The following PCNX4 variants were observed in gnomAD, a reference collection of about 807,000 sequenced individuals.
PCNX4 encodes the protein pecanex 4.
A neutral mutation model predicts 107.2 loss-of-function variants in PCNX4; 103 were observed. That is an observed-to-expected ratio of 0.96 (90% CI 0.82 to 1.13). The LOEUF is 1.13. Ranked by LOEUF, PCNX4 falls within the 50% of genes most tolerant of loss-of-function variation. The probability of loss-of-function intolerance (pLI) is 0.00; values close to 1 mark genes in which losing one functional copy is unlikely to be tolerated. For synonymous variants in PCNX4, 541 were observed against 481.7 expected, an observed-to-expected ratio of 1.12 and a Z score of -1.61; for missense variants, 1,528 against 1,379.4, an observed-to-expected ratio of 1.11 and a Z score of -1.71.
intron 1 of PCNX4, among the ~76,000 whole-genome samples, chr14:60,093,091 C>T (rs1895340468): frequency 1.3e-5 from 2 of 152,188 alleles, no homozygotes; most frequent in South Asian, 4.1e-4. Flanking sequence ...CAGATGTTGC[C>T]TTTTCACGAA....
Position 60,135,698 on chromosome 14 carries a change from G to A in PCNX4, c.*1477G>A, listed in dbSNP as rs148392404. Reference sequence around the variant, plus strand: ...CTCCTGAGTAGCTGGGATTAAAGGCGCATGCCACCACGCCGGCTAATTTTT... The same window carrying A: ...CTCCTGAGTAGCTGGGATTAAAGGCACATGCCACCACGCCGGCTAATTTTT... On this transcript the variant is annotated 3_prime_UTR_variant, in exon 11 of 11. Transcript: ENST00000406854. 0.034 allele frequency: 5,120 copies of A among 152,186 alleles called. 241 individuals are homozygous for A. The highest frequency in any genetic ancestry group is 0.11 in the African/African-American group (4,510 of 41,464). The allele number at this position is 152,186 out of a possible 1,614,324, so 9.4% of individuals were successfully genotyped here.
chr14:60,126,279 T>C (rs1257404799), intron 10 of PCNX4: 2 of 152,324 alleles, frequency 1.3e-5, no homozygotes, highest in Non-Finnish European at 2.9e-5. Context: ...GGGATGACTC[T>C]TTAAGATTTA....
At chr14:60,095,572 T>TG (rs1316496715) in intron 1 of PCNX4, among the ~76,000 whole-genome samples, 2 of 152,192 alleles carry the variant, frequency 1.3e-5, no homozygotes, top group African/African-American at 4.8e-5. Context: ...TAAATGAGTT[T>TG]GGGGTCCCAA....
rs748553510 is a variant in PCNX4, at chr14:60,121,165, T to TC, written c.1943-31_1943-30insC. The TC allele has an allele frequency of 7.7e-5, 112 of 1,458,136 alleles. No homozygotes were observed. The African/African-American group carries it at 1.0e-3, about 13-fold the overall frequency. 90.3% of individuals were successfully genotyped at this position (1,458,136 alleles called of 1,614,324 possible). On this transcript the variant is annotated intron_variant, in intron 7 of 10. Transcript: ENST00000406854. ...AAGAAGTTTGAAAATGATTTTCTTT[T>TC]TTTTTTTTTTTTTTTTCTAATTTGT...
chr14:60,108,705 G>C (rs1243041895), intron 2 of PCNX4: 13 of 158,184 alleles, frequency 8.2e-5, no homozygotes, highest in Non-Finnish European at 1.0e-4. Flanking sequence ...TATACAGATT[G>C]AATGAATTTA....
chr14:60,112,605 G>A (rs1373485107), intron 2 of PCNX4, among the ~76,000 whole-genome samples: 1 of 152,088 alleles, frequency 6.6e-6, no homozygotes, highest in East Asian at 1.9e-4. Flanking sequence ...AAGAGATTTA[G>A]GGGTAGAATC....
chr14:60,125,600 A>C, intron 9 of PCNX4, 37 bp from the exon 10 acceptor site: 2 of 1,353,298 alleles, frequency 1.5e-6, no homozygotes, highest in Non-Finnish European at 1.9e-6. Context: ...GTTGACAGCA[A>C]ATATTCTAAA....
Position 60,108,255 on chromosome 14 carries a change from A to T in PCNX4, c.617A>T (p.Asp206Val). The change falls in exon 2 of 11, where the codon GAT (aspartate) becomes GTT (valine). Residue 206 changes from aspartate (D) to valine (V), a missense_variant. Coordinates refer to ENST00000406854, the MANE Select transcript of PCNX4 (RefSeq NM_001330177.2). ...ATETATFQTQ[D>V]TYEIIPLMRP... The stretch of plus-strand genomic sequence containing the variant: ...GAGACTGCGACTTTCCAAACACAGG[A>T]TACTTATGAAATTATTCCTCTTATG... 5 of 1,612,694 alleles carry T rather than the reference A, an allele frequency of 3.1e-6. No homozygotes were observed. The highest frequency in any genetic ancestry group is 4.2e-6 in the Non-Finnish European group (5 of 1,179,752).
rs1895824068 is a variant in PCNX4 at position 60,115,273 on chromosome 14, T to C, written c.1169T>C (p.Ile390Thr). Residue 390 changes from isoleucine (I) to threonine (T), a missense_variant, in exon 4 of 11, where the codon ATT becomes ACT. Transcript: ENST00000406854. ...SQISKSNSQA[I>T]VGYGLMILLI... ...ATTTCTAAAAGCAATTCCCAGGCTA[T>C]TGTGGGCTATGGTTTGATGATATTA... 1 of 1,611,214 alleles carries C rather than the reference T, an allele frequency of 6.2e-7. No homozygotes were observed. Among genetic ancestry groups the C allele is most frequent in the Non-Finnish European group, 8.5e-7 (1 of 1,177,606 alleles).
chr14:60,093,227 G>A (rs1037259254), intron 1 of PCNX4, among the ~76,000 whole-genome samples: 1 of 152,134 alleles, frequency 6.6e-6, no homozygotes, highest in Non-Finnish European at 1.5e-5. Flanking sequence ...GCTTTATTGA[G>A]ATGTAATTTA....
intron 1 of PCNX4, among the ~76,000 whole-genome samples, chr14:60,101,710 TAAAAA>T (rs1239504890): frequency 1.3e-5 from 2 of 152,034 alleles, no homozygotes; most frequent in East Asian, 3.8e-4. Flanking sequence ...AAAAAATAAT[TAAAAA>T]AAGAGCTACC....
intron 1 of PCNX4, among the ~76,000 whole-genome samples, chr14:60,104,656 A>G (rs1313817633): frequency 6.6e-6 from 1 of 152,228 alleles, no homozygotes; most frequent in Admixed American, 6.5e-5. Flanking sequence ...CATGTTTTAC[A>G]TGGCAGCAGA....
chr14:60,092,085 C>A lies in PCNX4; in HGVS notation c.-388C>A, dbSNP rs1267462960. On this transcript the variant is annotated 5_prime_UTR_variant, in exon 1 of 11. Transcript: ENST00000406854. ...GCGAACGAAGCGCGCTATTTCCCTG[C>A]TTCCTCTAGGCCAAGCCTGCTTTAC... 1 of 152,346 alleles carries A rather than the reference C, an allele frequency of 6.6e-6. No individual in the cohort carries two copies. Among genetic ancestry groups the A allele is most frequent in the Non-Finnish European group, 1.5e-5 (1 of 68,106 alleles). 9.4% of individuals were successfully genotyped at this position (152,346 alleles called of 1,614,324 possible). A position where few individuals can be genotyped will look rare whatever the true frequency, so the allele number is the denominator to read the frequency against.
intron 7 of PCNX4, 31 bp downstream of exon 7, chr14:60,118,723 T>G (rs1283066107): frequency 1.3e-6 from 2 of 1,519,248 alleles, no homozygotes; most frequent in Non-Finnish European, 8.8e-7. Context: ...CAAGAATTTC[T>G]CACTAATGTA....
chr14:60,128,840 G>A (rs1387749833), intron 10 of PCNX4, among the ~76,000 whole-genome samples: 4 of 152,290 alleles, frequency 2.6e-5, no homozygotes, highest in Admixed American at 2.6e-4. Flanking sequence ...AGCTGTACTG[G>A]ATAAAGGAAA....
intron 1 of PCNX4, among the ~76,000 whole-genome samples, chr14:60,094,755 T>C (rs920073967): frequency 6.8e-5 from 4 of 58,418 alleles, no homozygotes; most frequent in Non-Finnish European, 2.3e-4. Flanking sequence ...CTTGTGTTGC[T>C]GTAGAGCCCC....
chr14:60,122,586 C>T (rs543668987), intron 8 of PCNX4, among the ~76,000 whole-genome samples: 10 of 152,090 alleles, frequency 6.6e-5, no homozygotes, highest in East Asian at 3.9e-4. Context: ...CCCAACCCCC[C>T]CTTGCCTTGC....
intron 1 of PCNX4, among the ~76,000 whole-genome samples, chr14:60,104,803 G>A (rs985386798): frequency 3.9e-5 from 6 of 152,184 alleles, no homozygotes; most frequent in Middle Eastern, 3.4e-3. Context: ...AGGTCCCTCC[G>A]ACAACACATG....
chr14:60,130,642 C>T (rs745331648), intron 10 of PCNX4, among the ~76,000 whole-genome samples: 1 of 152,028 alleles, frequency 6.6e-6, no homozygotes, highest in Admixed American at 6.6e-5. Flanking sequence ...AATATGTATT[C>T]ATGTATTGTT....
Sources: allele counts gnomAD v4.1 joint callset (sites outside exome capture counted in the v4.1 genomes callset), GRCh38; gene constraint gnomAD v4.1.1; transcripts MANE v1.5; gene names NCBI Gene and HGNC (gene_info 2026-07-23, HGNC 2026-07-21).